Variants in DPP6 observed in about 807,000 individuals in gnomAD.
DPP6 encodes A-type potassium channel modulatory protein DPP6.
In DPP6, 69 loss-of-function variants were observed where a neutral mutation model predicts 122.6. The ratio of observed to expected loss-of-function variants is 0.56; its 90% confidence interval spans 0.46 to 0.69. The LOEUF (loss-of-function observed/expected upper bound fraction) is 0.69, where lower values mean the gene tolerates loss of function less well. DPP6 is among the 30% of genes least tolerant of loss of function. DPP6 has a pLI of 0.00. For missense variants in DPP6, 928 were observed against 1,116.9 expected (o/e 0.83, Z 2.41); for synonymous variants, 418 against 433.1 (o/e 0.97, Z 0.43).
intron 6 of DPP6, among the ~76,000 whole-genome samples, chr7:154,662,171 C>T (rs1438607719): frequency 2.0e-5 from 3 of 150,998 alleles, no homozygotes; most frequent in Non-Finnish European, 2.9e-5. Context: ...CCGTAGTGTT[C>T]ATATAGTCAT....
chr7:153,769,074 C>T, the DPP6 span, among the ~76,000 whole-genome samples: 1 of 152,148 alleles, frequency 6.6e-6, no homozygotes, highest in Non-Finnish European at 1.5e-5. Flanking sequence ...AATTATGGCT[C>T]TGATTTACTT....
intron 1 of DPP6, among the ~76,000 whole-genome samples, chr7:154,207,948 G>A (rs1159329436): frequency 7.2e-6 from 1 of 139,240 alleles, no homozygotes; most frequent in African/African-American, 3.0e-5. Context: ...GAGTGAGACT[G>A]CCTCAAAAAA....
At chr7:154,190,835 A>G (rs1179109581) in intron 1 of DPP6, among the ~76,000 whole-genome samples, 1 of 152,204 alleles carries the variant, frequency 6.6e-6, no homozygotes, top group Admixed American at 6.5e-5. Context: ...TGGCCCTTCA[A>G]ATAACTACTC....
At chr7:154,385,860 C>A (rs1472358487) in intron 1 of DPP6, among the ~76,000 whole-genome samples, 2 of 152,142 alleles carry the variant, frequency 1.3e-5, no homozygotes, top group Non-Finnish European at 2.9e-5. Context: ...GAGGGGTGGT[C>A]TCTGCAGCCC....
At chr7:154,312,861 CCATGTT>C (rs1225690177) in intron 1 of DPP6, among the ~76,000 whole-genome samples, 2 of 152,178 alleles carry the variant, frequency 1.3e-5, no homozygotes, top group Non-Finnish European at 2.9e-5. Context: ...AAAGCATATT[CCATGTT>C]TTGTCTTTTG....
intron 7 of DPP6, among the ~76,000 whole-genome samples, chr7:154,688,002 TC>T (rs1287573236): frequency 2.0e-5 from 3 of 152,196 alleles, no homozygotes; most frequent in Non-Finnish European, 4.4e-5. Flanking sequence ...GCTTTCAGAC[TC>T]TCCACTGTGT....
At chr7:154,860,328 C>T (rs1361240852) in intron 17 of DPP6, among the ~76,000 whole-genome samples, 1 of 152,206 alleles carries the variant, frequency 6.6e-6, no homozygotes, top group Admixed American at 6.5e-5. Context: ...ATGTCACTGT[C>T]ACGCTACACG....
chr7:154,721,538 T>C (rs1230255457), intron 7 of DPP6, among the ~76,000 whole-genome samples: 1 of 152,154 alleles, frequency 6.6e-6, no homozygotes, highest in Non-Finnish European at 1.5e-5. Context: ...AAGTGAAAAC[T>C]GTAAAAATCA....
chr7:154,402,576 C>T (rs1464325269), intron 1 of DPP6, among the ~76,000 whole-genome samples: 1 of 139,126 alleles, frequency 7.2e-6, no homozygotes, highest in Non-Finnish European at 1.5e-5. Context: ...GGAAGGGGAA[C>T]ATCACACTCT....
intron 1 of DPP6, among the ~76,000 whole-genome samples, chr7:154,301,274 G>A (rs1429187133): frequency 2.6e-5 from 4 of 152,144 alleles, no homozygotes; most frequent in African/African-American, 9.7e-5. Flanking sequence ...TCTTTGCTAA[G>A]TATGTCTGAT....
chr7:154,353,952 C>T (rs930818548), intron 1 of DPP6, among the ~76,000 whole-genome samples: 14 of 152,212 alleles, frequency 9.2e-5, no homozygotes, highest in African/African-American at 3.4e-4. Context: ...AAGGAGAATT[C>T]TCCCTGAAGT....
chr7:154,604,588 G>A (rs1302488340), intron 5 of DPP6, among the ~76,000 whole-genome samples: 1 of 120,724 alleles, frequency 8.3e-6, no homozygotes, highest in African/African-American at 2.6e-5. Flanking sequence ...CTAATAAAAT[G>A]TTATAATATT....
chr7:153,826,885 A>AAC, the DPP6 span, among the ~76,000 whole-genome samples: 1 of 152,220 alleles, frequency 6.6e-6, no homozygotes, highest in Admixed American at 6.5e-5. Flanking sequence ...TACATATACT[A>AAC]ACACAAAAAT....
rs1028717158 is a variant in DPP6 at position 154,278,249 on chromosome 7, C to A, written c.244-167965C>A. Reference sequence around the variant, plus strand: ...TCCAGCACTGACACACCATGGCCAGCGACCAACTTGCTAAGTCAAAAAAAT... The same window carrying A: ...TCCAGCACTGACACACCATGGCCAGAGACCAACTTGCTAAGTCAAAAAAAT... On this transcript the variant is annotated intron_variant, in intron 1 of 25. Coordinates refer to ENST00000377770, the MANE Select transcript of DPP6 (RefSeq NM_130797.4). Among the ~76,000 whole-genome samples the A allele has an allele frequency of 2.0e-5, 3 of 152,292 alleles. No homozygotes were observed. In the South Asian group the frequency reaches 6.2e-4, roughly 32 times the overall value.
chr7:154,186,748 G>A (rs1399858267), intron 1 of DPP6, among the ~76,000 whole-genome samples: 1 of 152,208 alleles, frequency 6.6e-6, no homozygotes, highest in African/African-American at 2.4e-5. Flanking sequence ...ATTTAAATGG[G>A]TGATATAATT....
At chr7:154,137,298 C>T (rs889882068) in intron 1 of DPP6, among the ~76,000 whole-genome samples, 1 of 151,902 alleles carries the variant, frequency 6.6e-6, no homozygotes, top group Non-Finnish European at 1.5e-5. Context: ...GGAAACCAGC[C>T]CTCTTCCCAG....
chr7:154,848,972 G>A (rs985244297), intron 16 of DPP6, among the ~76,000 whole-genome samples: 1 of 147,778 alleles, frequency 6.8e-6, no homozygotes, highest in Admixed American at 7.0e-5. Context: ...ATTAACTGTA[G>A]ATGAATTGGT....
intron 1 of DPP6, among the ~76,000 whole-genome samples, chr7:154,125,699 G>A (rs570682908): frequency 1.3e-5 from 2 of 152,238 alleles, no homozygotes; most frequent in East Asian, 1.9e-4. Context: ...TTGGGCTTAC[G>A]GATGACCCCT....
intron 1 of DPP6, among the ~76,000 whole-genome samples, chr7:153,921,843 G>A (rs904541732): frequency 6.6e-6 from 1 of 152,204 alleles, no homozygotes; most frequent in Non-Finnish European, 1.5e-5. Flanking sequence ...TTTGATTCAA[G>A]CAAACTTGAA....
Sources: gnomAD v4.1 joint callset for allele counts (sites outside exome capture counted in the v4.1 genomes callset) on GRCh38, gnomAD v4.1.1 for gene constraint, MANE v1.5 for transcripts, NCBI Gene and HGNC (gene_info 2026-07-23, HGNC 2026-07-21) for gene names.